SPTY2D1: variants seen among roughly 807,000 people sequenced by gnomAD.
The protein encoded by SPTY2D1 is SPT2 chromatin protein domain containing 1.
In SPTY2D1, 21 loss-of-function variants were observed where a neutral mutation model predicts 64.0. That is an observed-to-expected ratio of 0.33 (90% CI 0.23 to 0.47). The LOEUF (loss-of-function observed/expected upper bound fraction) is 0.47, where lower values mean the gene tolerates loss of function less well. SPTY2D1 is among the 20% of genes least tolerant of loss of function. The pLI, the probability that SPTY2D1 is intolerant of heterozygous loss-of-function variation, is 1.00. For synonymous variants in SPTY2D1, 287 were observed against 286.8 expected (o/e 1.00, Z -0.01); for missense variants, 724 against 837.2 (o/e 0.86, Z 1.67).
intron 1 of SPTY2D1, among the ~76,000 whole-genome samples, chr11:18,626,158 T>C (rs1854494475): frequency 6.6e-6 from 1 of 152,136 alleles, no homozygotes; most frequent in Admixed American, 6.6e-5. Flanking sequence ...ACTCCAACAC[T>C]TGGATCTCTA....
chr11:18,628,875 T>A (rs1854541111), intron 1 of SPTY2D1, among the ~76,000 whole-genome samples: 1 of 152,220 alleles, frequency 6.6e-6, no homozygotes, highest in Admixed American at 6.5e-5. Context: ...GGGCTTTTTT[T>A]AAATACATGG....
Position 18,607,896 on chromosome 11 carries a change from T to A in SPTY2D1, c.*1965A>T, listed in dbSNP as rs2134106159. The A allele has an allele frequency of 6.6e-6, 1 of 152,322 alleles. No homozygotes were observed. The highest frequency in any genetic ancestry group is 1.9e-4 in the East Asian group (1 of 5,190). The allele number at this position is 152,322 out of a possible 1,614,324, so 9.4% of individuals were successfully genotyped here. A position where few individuals can be genotyped will look rare whatever the true frequency, so the allele number is the denominator to read the frequency against. On this transcript the variant is annotated 3_prime_UTR_variant, in exon 6 of 6. Transcript: ENST00000336349. ...CTGTACAAAGAACTGTACCATATCA[T>A]AAATTTACTGCTAGTAAACTTTAAG...
chr11:18,626,345 T>C (rs1203146879), intron 1 of SPTY2D1, among the ~76,000 whole-genome samples: 1 of 152,096 alleles, frequency 6.6e-6, no homozygotes, highest in Non-Finnish European at 1.5e-5. Context: ...AGTTTCCAAA[T>C]GATTTTGGTT....
intron 1 of SPTY2D1, among the ~76,000 whole-genome samples, chr11:18,620,165 T>G (rs1854370032): frequency 6.6e-6 from 1 of 152,146 alleles, no homozygotes; most frequent in Non-Finnish European, 1.5e-5. Flanking sequence ...CTACCATTAC[T>G]TACTAATTTA....
At chr11:18,610,407 A>C (rs1480082024) in intron 5 of SPTY2D1, among the ~76,000 whole-genome samples, 2 of 152,136 alleles carry the variant, frequency 1.3e-5, no homozygotes, top group African/African-American at 4.8e-5. Context: ...CACACCTGTA[A>C]TCCCAGCACT....
At chr11:18,632,255 T>C (rs1453019123) in intron 1 of SPTY2D1, among the ~76,000 whole-genome samples, 5 of 152,150 alleles carry the variant, frequency 3.3e-5, no homozygotes, top group South Asian at 2.1e-4. Context: ...ATAAGAATTA[T>C]AATGCTGGTA....
At chr11:18,630,961 C>T (rs1038147583) in intron 1 of SPTY2D1, among the ~76,000 whole-genome samples, 4 of 152,184 alleles carry the variant, frequency 2.6e-5, no homozygotes, top group African/African-American at 9.7e-5. Context: ...GCCTCAGCCT[C>T]CTGAGTAGCT....
At position 18,615,648 on chromosome 11, in the gene SPTY2D1, T is replaced by A; in HGVS notation, c.626A>T (p.Glu209Val). The change falls in exon 3 of 6, where the codon GAA (glutamate) becomes GTA (valine). Residue 209 changes from glutamate to valine, a missense_variant. Physicochemically the swap from Glu to Val is moderately radical, Grantham distance 121. Coordinates refer to ENST00000336349, the MANE Select transcript of SPTY2D1 (RefSeq NM_194285.3). Reference sequence around the variant, plus strand: ...AAGTTTTTTTCTCCTATGCTTTCGTTCAAGGAATTCTCGCTCCCTAAGTTC... The same window carrying A: ...AAGTTTTTTTCTCCTATGCTTTCGTACAAGGAATTCTCGCTCCCTAAGTTC... ...AEELREREFL[E>V]RKHRRKKLET... 1 of 1,614,212 alleles carries A rather than the reference T, an allele frequency of 6.2e-7. No homozygotes were observed. Among genetic ancestry groups the A allele is most frequent in the East Asian group, 2.2e-5 (1 of 44,882 alleles).
chr11:18,622,486 C>G (rs997604279), intron 1 of SPTY2D1, among the ~76,000 whole-genome samples: 1 of 152,142 alleles, frequency 6.6e-6, no homozygotes, highest in Admixed American at 6.6e-5. Context: ...ATGATTGTGC[C>G]ACTGTACCCC....
At chr11:18,617,882 C>T (rs1398197482) in intron 1 of SPTY2D1, among the ~76,000 whole-genome samples, 1 of 152,126 alleles carries the variant, frequency 6.6e-6, no homozygotes, top group Non-Finnish European at 1.5e-5. Flanking sequence ...GCAGAGGTTG[C>T]AGTGAGCCGA....
rs1046131646 is a variant in SPTY2D1, at chr11:18,626,686, C to T, written c.60+7512G>A. ...CAGTTTCCTCATTAGTAAAATACTG[C>T]TCATTATATGGTTATTATGATGATT... is the stretch of plus-strand genomic sequence containing the variant. On this transcript the variant is annotated intron_variant, in intron 1 of 5. Transcript: ENST00000336349. Among the ~76,000 whole-genome samples, 3 of 152,150 alleles carry T rather than the reference C, an allele frequency of 2.0e-5. No homozygotes were observed. In the East Asian group the frequency reaches 5.8e-4, roughly 29 times the overall value.
At chr11:18,618,555 C>G (rs1188193544) in intron 1 of SPTY2D1, among the ~76,000 whole-genome samples, 1 of 152,086 alleles carries the variant, frequency 6.6e-6, no homozygotes, top group African/African-American at 2.4e-5. Flanking sequence ...CACATTAAAT[C>G]CAGGAAATAA....
intron 1 of SPTY2D1, among the ~76,000 whole-genome samples, chr11:18,620,069 A>G (rs751503389): frequency 1.3e-5 from 2 of 152,170 alleles, no homozygotes; most frequent in Non-Finnish European, 2.9e-5. Flanking sequence ...ATCAGTGTCA[A>G]TGGGGCATAG....
chr11:18,629,791 CTATT>C (rs943381247), intron 1 of SPTY2D1, among the ~76,000 whole-genome samples: 1 of 152,136 alleles, frequency 6.6e-6, no homozygotes, highest in African/African-American at 2.4e-5. Flanking sequence ...ACATAAAAAA[CTATT>C]TGTTAAAAAT....
chr11:18,626,047 T>C (rs958170197), intron 1 of SPTY2D1, among the ~76,000 whole-genome samples: 2 of 152,124 alleles, frequency 1.3e-5, no homozygotes, highest in Admixed American at 6.6e-5. Context: ...CTCGAACGCC[T>C]GACCTCATGA....
rs569563128 is a variant in SPTY2D1, at chr11:18,614,694, G to A, written c.1580C>T (p.Ser527Leu). 1.3e-5 allele frequency: 21 copies of A among 1,614,244 alleles called. 1 individual carries two copies. In the South Asian group the frequency reaches 1.9e-4, roughly 14 times the overall value. ...SLGPGQTVSS[S>L]GPTIKPKCTV... ...GCACTTAGGCTTTATAGTGGGACCT[G>A]AGCTACTAACTGTTTGCCCAGGTCC... The change falls in exon 3 of 6, where the codon TCA (serine) becomes TTA (leucine). Residue 527 changes from serine to leucine, a missense_variant. Around this residue, in one of 3 missense-constraint regions of SPTY2D1, gnomAD observed 426 missense variants for 431.8 expected, o/e 0.99. Coordinates refer to ENST00000336349, the MANE Select transcript of SPTY2D1 (RefSeq NM_194285.3).
At chr11:18,632,446 G>A (rs982106858) in intron 1 of SPTY2D1, among the ~76,000 whole-genome samples, 1 of 151,930 alleles carries the variant, frequency 6.6e-6, no homozygotes, top group Non-Finnish European at 1.5e-5. Flanking sequence ...CCGCCTCCTG[G>A]GTTCAAGCAA....
chr11:18,632,177 G>T (rs1471916461), intron 1 of SPTY2D1, among the ~76,000 whole-genome samples: 1 of 150,990 alleles, frequency 6.6e-6, no homozygotes, highest in Non-Finnish European at 1.5e-5. Flanking sequence ...AGAAGAAGAA[G>T]AAATTTAACT....
intron 1 of SPTY2D1, among the ~76,000 whole-genome samples, chr11:18,618,675 GACAACTTAGGA>G (rs1277636682): frequency 2.0e-5 from 3 of 152,184 alleles, no homozygotes; most frequent in South Asian, 2.1e-4. Flanking sequence ...AACAAATTGA[GACAACTTAGGA>G]ACAACTTAGG....
Sources: allele counts gnomAD v4.1 joint callset (sites outside exome capture counted in the v4.1 genomes callset), GRCh38; gene constraint gnomAD v4.1.1; regional missense constraint gnomAD v4.1.1; transcripts MANE v1.5; gene names NCBI Gene and HGNC (gene_info 2026-07-23, HGNC 2026-07-21).